The following NRROS variants were observed in gnomAD, a reference collection of about 807,000 sequenced individuals.
NRROS encodes the protein negative regulator of reactive oxygen species.
Under a neutral mutation model 12.0 loss-of-function variants are expected in NRROS, and 6 were observed. That is an observed-to-expected ratio of 0.50 (90% CI 0.27 to 0.98). The LOEUF (loss-of-function observed/expected upper bound fraction) is 0.98. Among genes scored for constraint, NRROS ranks in the 50% least tolerant of loss-of-function variants. The probability of loss-of-function intolerance (pLI) is 0.11; values close to 1 mark genes in which losing one functional copy is unlikely to be tolerated. For synonymous variants in NRROS, 462 were observed against 410.2 expected (o/e 1.13, Z -1.53); for missense variants, 857 against 888.2 (o/e 0.96, Z 0.45).
At chr3:196,642,019 CTTT>C (rs560617060) in intron 1 of NRROS, among the ~76,000 whole-genome samples, 1 of 152,218 alleles carries the variant, frequency 6.6e-6, no homozygotes, top group Non-Finnish European at 1.5e-5. Context: ...GGTGGAACTT[CTTT>C]ATTATACTCA....
At position 196,661,584 on chromosome 3, in the gene NRROS, C is replaced by G; in HGVS notation, c.1941C>G (p.Asp647Glu). ...GGGACTGCAAGTGGGAGCGGCTGGACCTGGGCCTGCTCTACCTCGTGCTCA... is the reference window on the plus strand; with the variant it reads ...GGGACTGCAAGTGGGAGCGGCTGGAGCTGGGCCTGCTCTACCTCGTGCTCA... ...VPRDCKWERL[D>E]LGLLYLVLIL... Residue 647 changes from aspartate (D) to glutamate (E), a missense_variant, in exon 3 of 3, where the codon GAC becomes GAG. Physicochemically the swap from Asp to Glu is conservative, Grantham distance 45 (BLOSUM62 2). Transcript: ENST00000328557. 1.9e-6 allele frequency: 3 copies of G among 1,613,894 alleles called. No individual in the cohort carries two copies. Among genetic ancestry groups the G allele is most frequent in the Non-Finnish European group, 2.5e-6 (3 of 1,180,016 alleles).
At chr3:196,644,752 AC>A (rs1186245979) in intron 1 of NRROS, among the ~76,000 whole-genome samples, 2 of 133,226 alleles carry the variant, frequency 1.5e-5, no homozygotes, top group African/African-American at 5.9e-5. Context: ...CAGTCTGGCG[AC>A]AGAGTGAGAC....
chr3:196,642,992 C>A (rs992842723), intron 1 of NRROS, among the ~76,000 whole-genome samples: 1 of 151,050 alleles, frequency 6.6e-6, no homozygotes, highest in Non-Finnish European at 1.5e-5. Context: ...GTCGCTTGAA[C>A]CTTGGAGGCG....
chr3:196,658,547 C>T (rs2108642310), intron 2 of NRROS, among the ~76,000 whole-genome samples: 1 of 152,322 alleles, frequency 6.6e-6, no homozygotes, highest in Non-Finnish European at 1.5e-5. Flanking sequence ...TCGGGATTTT[C>T]CTCTTCTGTT....
intron 1 of NRROS, among the ~76,000 whole-genome samples, chr3:196,643,866 T>C (rs1352952090): frequency 6.6e-6 from 1 of 152,202 alleles, no homozygotes; most frequent in Non-Finnish European, 1.5e-5. Context: ...CCCTCGGCCC[T>C]GCAGTGTCTC....
intron 2 of NRROS, among the ~76,000 whole-genome samples, chr3:196,658,644 T>C (rs1225349206): frequency 1.3e-5 from 2 of 152,204 alleles, no homozygotes; most frequent in Non-Finnish European, 1.5e-5. Flanking sequence ...TGCAAACGAA[T>C]GCCATTGCTC....
chr3:196,659,361 T>A (rs898338537), intron 2 of NRROS, among the ~76,000 whole-genome samples: 1 of 142,044 alleles, frequency 7.0e-6, no homozygotes, highest in Non-Finnish European at 1.5e-5. Flanking sequence ...AGTGCAGTGG[T>A]GCAGTGGTGC....
chr3:196,660,423 C>T lies in NRROS; in HGVS notation c.780C>T (p.Asn260=). The T allele has an allele frequency of 1.9e-6, 3 of 1,613,930 alleles. No homozygotes were observed. Among genetic ancestry groups the T allele is most frequent in the Non-Finnish European group, 2.5e-6 (3 of 1,179,924 alleles). The change falls in exon 3 of 3, where the codon AAC becomes AAT. Residue 260 remains asparagine, a synonymous_variant. Transcript: ENST00000328557. The surrounding 1 kb of genome is among the most constrained non-coding windows in gnomAD (Gnocchi z 7.7). Reference sequence around the variant, plus strand: ...TGGAGACGCTGGACCTGTCTCACAACCAGCTGCTGTTCTTCCCGCTGCTGC... The same window carrying T: ...TGGAGACGCTGGACCTGTCTCACAATCAGCTGCTGTTCTTCCCGCTGCTGC... The part of the protein sequence containing the change: ...FELETLDLSH[N]QLLFFPLLPQ...
chr3:196,654,653 T>C lies in NRROS; in HGVS notation c.108+6T>C. 6.3e-7 allele frequency: 1 copy of C among 1,580,894 alleles called. No homozygotes were observed. The highest frequency in any genetic ancestry group is 8.7e-7 in the Non-Finnish European group (1 of 1,150,774). On this transcript the variant is annotated splice_donor_region_variant and intron_variant, in intron 2 of 2. Transcript: ENST00000328557. The surrounding 1 kb of genome is among the most constrained non-coding windows in gnomAD (Gnocchi z 4.4). ...CCCAAGGAGTCTGCAAGTTGGTGAG[T>C]TTCCCTTGAACCCTGATCTGTCGGC...
intron 1 of NRROS, among the ~76,000 whole-genome samples, chr3:196,640,526 C>T (rs1237886926): frequency 6.6e-6 from 1 of 152,182 alleles, no homozygotes; most frequent in African/African-American, 2.4e-5. Flanking sequence ...GGCTCTGTGA[C>T]TTGGATCTTA....
rs1239673730 is a variant in NRROS, at chr3:196,660,641, T to C, written c.998T>C (p.Leu333Pro). 6.2e-7 allele frequency: 1 copy of C among 1,614,230 alleles called. No individual in the cohort carries two copies. The highest frequency in any genetic ancestry group is 8.5e-7 in the Non-Finnish European group (1 of 1,180,028). The stretch of plus-strand genomic sequence containing the variant: ...AGCGACCTCGCAGATCTCCGCTTCC[T>C]GGACATGAGCCAGAACCAGTTCCAG... Reference protein sequence around the residue: ...SSSDLADLRFLDMSQNQFQYL... With the variant: ...SSSDLADLRFPDMSQNQFQYL... The change falls in exon 3 of 3, where the codon CTG (leucine) becomes CCG (proline). Residue 333 changes from leucine (L) to proline (P), a missense_variant. By Grantham distance (98) the Leu-to-Pro change is moderately conservative. Coordinates refer to ENST00000328557, the MANE Select transcript of NRROS (RefSeq NM_198565.3). This position sits in a 1 kb window ranked among gnomAD's most constrained non-coding sequence, Gnocchi z 7.7.
intron 2 of NRROS, among the ~76,000 whole-genome samples, chr3:196,659,317 T>TG (rs1422745400): frequency 2.9e-5 from 4 of 137,456 alleles, no homozygotes; most frequent in African/African-American, 1.1e-4. Context: ...TTTTTTTTTT[T>TG]TGAGATGGAG....
Position 196,661,034 on chromosome 3 carries a change from T to G in NRROS, c.1391T>G (p.Leu464Ter), listed in dbSNP as rs1265657564. 6.2e-7 allele frequency: 1 copy of G among 1,613,998 alleles called. No individual in the cohort carries two copies. Among genetic ancestry groups the G allele is most frequent in the African/African-American group, 1.3e-5 (1 of 74,910 alleles). ...SCVDFRNMAS[L>*]RSLSLEGCGL... ...GTGGATTTCAGGAATATGGCATCTT[T>G]AAGGAGCCTGTCTCTGGAGGGCTGT... Residue 464 changes from leucine to a stop codon, truncating the protein, a stop_gained, in exon 3 of 3, where the codon TTA (leucine) becomes TGA (stop). Transcript: ENST00000328557. LOFTEE classifies it low-confidence loss of function (END_TRUNC).
intron 2 of NRROS, among the ~76,000 whole-genome samples, chr3:196,658,885 G>A (rs1737596684): frequency 6.6e-6 from 1 of 152,092 alleles, no homozygotes; most frequent in Non-Finnish European, 1.5e-5. Context: ...CAGGAGAATT[G>A]CTCGAACCCA....
intron 1 of NRROS, among the ~76,000 whole-genome samples, chr3:196,646,435 C>G (rs749677278): frequency 2.0e-5 from 3 of 152,248 alleles, no homozygotes; most frequent in Admixed American, 6.5e-5. Context: ...CAGCCACCAC[C>G]AGCATGCAAG....
At chr3:196,640,504 G>T (rs1276152672) in intron 1 of NRROS, among the ~76,000 whole-genome samples, 2 of 152,204 alleles carry the variant, frequency 1.3e-5, no homozygotes, top group African/African-American at 4.8e-5. Flanking sequence ...TTGTCCTTGG[G>T]AGATTCACTG....
intron 2 of NRROS, among the ~76,000 whole-genome samples, chr3:196,656,987 T>A (rs7631278): frequency 6.6e-6 from 1 of 151,286 alleles, no homozygotes; most frequent in Non-Finnish European, 1.5e-5. Flanking sequence ...GCAGATCACC[T>A]GAGGTCAGGA....
intron 1 of NRROS, among the ~76,000 whole-genome samples, chr3:196,653,202 C>A (rs1438251814): frequency 6.6e-6 from 1 of 152,094 alleles, no homozygotes; most frequent in East Asian, 1.9e-4. Flanking sequence ...AAGGGGATTC[C>A]CAGTGTCTGG....
chr3:196,654,413 TCCACAGAGCTCCAAGA>T lies in NRROS; in HGVS notation c.-13-108_-13-93del. ...CCTGTGGGCTGCACCTCTATGGAGC[TCCACAGAGCTCCAAGA>T]CCACATAGAATTGGAACTGGCTCCT... On this transcript the variant is annotated intron_variant, in intron 1 of 2. Transcript: ENST00000328557. The surrounding 1 kb of genome is among the most constrained non-coding windows in gnomAD (Gnocchi z 4.4). 2 of 725,936 alleles carry T rather than the reference TCCACAGAGCTCCAAGA, an allele frequency of 2.8e-6. No homozygotes were observed. The highest frequency in any genetic ancestry group is 3.0e-5 in the South Asian group (2 of 67,444). 45.0% of individuals were successfully genotyped at this position (725,936 alleles called of 1,614,324 possible).
Sources: gnomAD v4.1 joint callset for allele counts (sites outside exome capture counted in the v4.1 genomes callset) on GRCh38, gnomAD v4.1.1 for gene constraint, Gnocchi (gnomAD v3.1) non-coding constraint, MANE v1.5 for transcripts, NCBI Gene and HGNC (gene_info 2026-07-23, HGNC 2026-07-21) for gene names.